The following DSCAM variants were observed in gnomAD, a reference collection of about 807,000 sequenced individuals.
DSCAM encodes the protein cell adhesion molecule DSCAM.
DSCAM carries 47 observed loss-of-function variants against 217.7 expected under a neutral mutation model. The observed-to-expected ratio is 0.22, with a 90% CI of 0.17 to 0.28. The LOEUF (loss-of-function observed/expected upper bound fraction) is 0.28. DSCAM is among the 10% of genes least tolerant of loss of function. The pLI is 1.00. For synonymous variants in DSCAM, 1,056 were observed against 1,015.3 expected, an observed-to-expected ratio of 1.04 and a Z score of -0.76; for missense variants, 2,080 against 2,618.3, an observed-to-expected ratio of 0.79 and a Z score of 4.49.
intron 1 of DSCAM, among the ~76,000 whole-genome samples, chr21:40,803,070 AT>A (rs1175111724): frequency 1.3e-5 from 2 of 152,216 alleles, no homozygotes; most frequent in Non-Finnish European, 2.9e-5. Context: ...GAAGTACTAA[AT>A]TTAGGGTAAG....
chr21:40,551,280 G>A (rs1318510001), intron 3 of DSCAM, among the ~76,000 whole-genome samples: 1 of 152,154 alleles, frequency 6.6e-6, no homozygotes, highest in African/African-American at 2.4e-5. Flanking sequence ...AAGTGGTTGG[G>A]GGTGTTGCTC....
In DSCAM at chr21:40,740,525, C is replaced by T. The variant is rs145212333; in HGVS notation, c.44-31754G>A. Among the ~76,000 whole-genome samples the T allele has an allele frequency of 6.9e-3, 1,045 of 152,320 alleles. 13 individuals carry two copies. The highest frequency in any genetic ancestry group is 0.024 in the African/African-American group (996 of 41,558). On this transcript the variant is annotated intron_variant, in intron 1 of 32. Coordinates refer to ENST00000400454, the MANE Select transcript of DSCAM (RefSeq NM_001389.5). ...TCCATGGAGCATCAAGCCTTATTTA[C>T]ATTTGAGTGCAAATTACTTTAATCA...
At chr21:40,422,226 G>A (rs1212445710) in intron 3 of DSCAM, among the ~76,000 whole-genome samples, 1 of 152,168 alleles carries the variant, frequency 6.6e-6, no homozygotes, top group Non-Finnish European at 1.5e-5. Flanking sequence ...CATTCAAAAT[G>A]TAATTTATTT....
intron 11 of DSCAM, among the ~76,000 whole-genome samples, chr21:40,266,542 C>A (rs562220463): frequency 6.7e-6 from 1 of 149,152 alleles, no homozygotes; most frequent in Admixed American, 6.7e-5. Flanking sequence ...CAAAAGACAC[C>A]TGCATGTCTA....
chr21:40,772,879 G>A (rs751564697), intron 1 of DSCAM, among the ~76,000 whole-genome samples: 3 of 152,182 alleles, frequency 2.0e-5, no homozygotes, highest in Non-Finnish European at 2.9e-5. Flanking sequence ...TAATCGCCGC[G>A]GTGGTGGACC....
intron 1 of DSCAM, among the ~76,000 whole-genome samples, chr21:40,717,667 C>T (rs74725032): frequency 0.013 from 1,965 of 152,222 alleles, 34 homozygotes; most frequent in African/African-American, 0.044. Flanking sequence ...GACTGGGTAA[C>T]GGGACAGGAT....
intron 3 of DSCAM, among the ~76,000 whole-genome samples, chr21:40,478,870 T>C (rs1435639831): frequency 2.6e-5 from 4 of 152,322 alleles, no homozygotes; most frequent in South Asian, 4.1e-4. Context: ...AAATTAGACA[T>C]AGTAAGATAT....
intron 1 of DSCAM, among the ~76,000 whole-genome samples, chr21:40,827,762 A>G (rs887593874): frequency 6.6e-6 from 1 of 152,152 alleles, no homozygotes; most frequent in Non-Finnish European, 1.5e-5. Flanking sequence ...CATTCTCAGG[A>G]AGGGCGGTAC....
rs1601288454 is a variant in DSCAM, at chr21:40,062,809, A to G, written c.4919+60T>C. ...ATTATTAAAAAAATAGAAATCATCA[A>G]GGCAAGTTGGAAATTGTTCTTTCAA... On this transcript the variant is annotated intron_variant, in intron 28 of 32. Transcript: ENST00000400454. 8 of 1,480,548 alleles carry G rather than the reference A, an allele frequency of 5.4e-6. No individual in the cohort carries two copies. In the East Asian group the frequency reaches 1.5e-4, roughly 28 times the overall value. 91.7% of individuals were successfully genotyped at this position (1,480,548 alleles called of 1,614,324 possible).
chr21:40,780,971 C>T (rs2091538380), intron 1 of DSCAM, among the ~76,000 whole-genome samples: 1 of 151,982 alleles, frequency 6.6e-6, no homozygotes. Context: ...AAAATCAAAA[C>T]AAGATGTTTA....
At chr21:40,431,297 C>G (rs566481629) in intron 3 of DSCAM, among the ~76,000 whole-genome samples, 3 of 152,218 alleles carry the variant, frequency 2.0e-5, no homozygotes, top group Non-Finnish European at 2.9e-5. Context: ...TCCTTCTCCC[C>G]CTTCCTCCTC....
At chr21:40,158,067 A>G (rs1686208360) in intron 16 of DSCAM, among the ~76,000 whole-genome samples, 1 of 152,218 alleles carries the variant, frequency 6.6e-6, no homozygotes, top group African/African-American at 2.4e-5. Context: ...ATGCATGAAT[A>G]GGTATTTGCG....
chr21:40,465,095 A>C (rs1311882477), intron 3 of DSCAM, among the ~76,000 whole-genome samples: 3 of 152,172 alleles, frequency 2.0e-5, no homozygotes, highest in African/African-American at 7.2e-5. Context: ...AAAATGCTTA[A>C]AAGTGGCTCG....
At chr21:40,776,009 C>T (rs567069220) in intron 1 of DSCAM, among the ~76,000 whole-genome samples, 7 of 152,094 alleles carry the variant, frequency 4.6e-5, no homozygotes, top group Non-Finnish European at 8.8e-5. Flanking sequence ...TAGCCTGTTT[C>T]TTTATGAATA....
chr21:40,503,279 T>C (rs903219135), intron 3 of DSCAM, among the ~76,000 whole-genome samples: 7 of 152,190 alleles, frequency 4.6e-5, no homozygotes, highest in African/African-American at 7.2e-5. Context: ...TCTTCGAGCA[T>C]TGCCCTGTAT....
At chr21:40,474,570 CT>C (rs2075917665) in intron 3 of DSCAM, among the ~76,000 whole-genome samples, 1 of 152,200 alleles carries the variant, frequency 6.6e-6, no homozygotes, top group African/African-American at 2.4e-5. Flanking sequence ...CCCTTCCCCC[CT>C]GAGCTGGAAC....
intron 1 of DSCAM, among the ~76,000 whole-genome samples, chr21:40,807,210 A>C (rs1375956293): frequency 6.6e-6 from 1 of 152,204 alleles, no homozygotes; most frequent in Non-Finnish European, 1.5e-5. Flanking sequence ...GTTTATTATT[A>C]TTGAACTCTG....
At chr21:40,455,728 C>A (rs2075758171) in intron 3 of DSCAM, among the ~76,000 whole-genome samples, 2 of 151,956 alleles carry the variant, frequency 1.3e-5, no homozygotes. Flanking sequence ...GAAATCACCC[C>A]ACTGCATTCC....
rs116618714 is a variant in DSCAM at position 40,555,352 on chromosome 21, T to G, written c.508+137458A>C. Among the ~76,000 whole-genome samples the G allele has an allele frequency of 4.4e-3, 663 of 152,232 alleles. 6 individuals are homozygous for G. Among genetic ancestry groups the G allele is most frequent in the African/African-American group, 0.015 (624 of 41,532 alleles). On this transcript the variant is annotated intron_variant, in intron 3 of 32. Transcript: ENST00000400454. ...CTATAAAAATGTTTTGATAGTAACA[T>G]CCAAAGAAAAATAGTCATTCCTCAT...
Sources: gnomAD v4.1 joint callset for allele counts (sites outside exome capture counted in the v4.1 genomes callset) on GRCh38, gnomAD v4.1.1 for gene constraint, MANE v1.5 for transcripts, NCBI Gene and HGNC (gene_info 2026-07-23, HGNC 2026-07-21) for gene names.